Variants in SLC18A2 observed in about 807,000 individuals in gnomAD.
SLC18A2 encodes the protein solute carrier family 18 member A2, also known as synaptic vesicular amine transporter.
A neutral mutation model predicts 59.2 loss-of-function variants in SLC18A2; 33 were observed. The ratio of observed to expected loss-of-function variants is 0.56; its 90% CI spans 0.42 to 0.75. SLC18A2 has a LOEUF of 0.75. Ranked by LOEUF, SLC18A2 falls within the 30% of genes least tolerant of loss-of-function variation. The pLI is 0.00. For missense variants in SLC18A2, 569 were observed against 668.6 expected (o/e 0.85, Z 1.64); for synonymous variants, 228 against 253.5 (o/e 0.90, Z 0.95).
chr10:117,243,239 G>A (rs1314574448), intron 2 of SLC18A2, among the ~76,000 whole-genome samples: 1 of 152,170 alleles, frequency 6.6e-6, no homozygotes, highest in Non-Finnish European at 1.5e-5. Context: ...TCATTTGAAA[G>A]TCTTTTGAGC....
At chr10:117,253,488 G>C (rs774170436) in intron 4 of SLC18A2, 31 bp downstream of exon 4, 1 of 1,565,546 alleles carries the variant, frequency 6.4e-7, no homozygotes, top group African/African-American at 1.4e-5. Context: ...TTCTGAGTGT[G>C]GGTCTCATCA....
At chr10:117,261,476 T>C (rs1184448324) in intron 10 of SLC18A2, among the ~76,000 whole-genome samples, 1 of 152,316 alleles carries the variant, frequency 6.6e-6, no homozygotes, top group East Asian at 1.9e-4. Flanking sequence ...CTTTTTATAG[T>C]TCTTTCAAGG....
At position 117,269,332 on chromosome 10, in the gene SLC18A2, ATACAC is replaced by A; in HGVS notation, c.1187-738_1187-734del. 7.2e-5 allele frequency among the ~76,000 whole-genome samples: 1 copy of A among 13,850 alleles called. No individual in the cohort carries two copies. The highest frequency in any genetic ancestry group is 2.2e-3 in the South Asian group (1 of 446). 9.1% of individuals were successfully genotyped at this position (13,850 alleles called of 152,430 possible). The stretch of plus-strand genomic sequence containing the variant: ...ACAGATACATATATACATATACATA[ATACAC>A]ATACACACATGCATACACACATATA... On this transcript the variant is annotated intron_variant, in intron 13 of 15. Coordinates refer to ENST00000644641, the MANE Select transcript of SLC18A2 (RefSeq NM_003054.6). The surrounding 1 kb of genome is among the most constrained non-coding windows in gnomAD (Gnocchi z 5.1).
chr10:117,274,912 G>C (rs1844467534), intron 15 of SLC18A2, among the ~76,000 whole-genome samples: 1 of 152,156 alleles, frequency 6.6e-6, no homozygotes, highest in Non-Finnish European at 1.5e-5. Context: ...TTGTCAGCCA[G>C]ATGACAGTGC....
At chr10:117,257,915 C>A (rs1186590199) in intron 10 of SLC18A2, 23 bp downstream of exon 10, 2 of 1,533,174 alleles carry the variant, frequency 1.3e-6, no homozygotes, top group East Asian at 2.3e-5. Flanking sequence ...GTGGGCTCTT[C>A]TGATTCAAGA....
chr10:117,258,196 G>A (rs1004407187), intron 10 of SLC18A2, among the ~76,000 whole-genome samples: 2 of 152,220 alleles, frequency 1.3e-5, no homozygotes, highest in Non-Finnish European at 2.9e-5. Flanking sequence ...TAAAATTTAT[G>A]TGAAAGAGAC....
At chr10:117,266,853 G>A in intron 11 of SLC18A2, 42 bp downstream of exon 11, 10 of 1,576,058 alleles carry the variant, frequency 6.3e-6, no homozygotes, top group Non-Finnish European at 7.8e-6. Flanking sequence ...TTACAATAAT[G>A]TAGTTCTTTC....
rs116806440 is a variant in SLC18A2, at chr10:117,254,969, G to A, written c.701-308G>A. The stretch of plus-strand genomic sequence containing the variant: ...AGCCTTGCCTGCGCTGGTGTACAAG[G>A]AGCGAAGTCTCTGTTTACACATTTT... On this transcript the variant is annotated intron_variant, in intron 6 of 15. Transcript: ENST00000644641. 3.7e-3 allele frequency among the ~76,000 whole-genome samples: 562 copies of A among 152,322 alleles called. 5 individuals carry two copies. Among genetic ancestry groups the A allele is most frequent in the African/African-American group, 0.013 (531 of 41,574 alleles).
In SLC18A2 at chr10:117,267,945, A is replaced by AT. The variant is rs1589984505; in HGVS notation, c.1186+215dup. The AT allele has an allele frequency of 6.6e-6, 3 of 454,286 alleles. No individual in the cohort carries two copies. In the East Asian group the frequency reaches 8.9e-5, roughly 13 times the overall value. The allele number at this position is 454,286 out of a possible 1,614,324, so 28.1% of individuals were successfully genotyped here. ...AGTCATTTATTTCCTGAAAACCAGT[A>AT]TTTTTTAAAAGCTGATATTTACAGA... On this transcript the variant is annotated intron_variant, in intron 13 of 15. Transcript: ENST00000644641.
chr10:117,259,058 A>G (rs1261152530), intron 10 of SLC18A2, among the ~76,000 whole-genome samples: 1 of 151,968 alleles, frequency 6.6e-6, no homozygotes, highest in Non-Finnish European at 1.5e-5. Context: ...CAGCTCACAC[A>G]TTTTCCCATC....
chr10:117,252,326 C>T (rs1275264276), intron 3 of SLC18A2, among the ~76,000 whole-genome samples: 1 of 151,922 alleles, frequency 6.6e-6, no homozygotes. Context: ...AGAACCCTTC[C>T]AGGCTGTTGC....
rs1245004608 is a variant in SLC18A2, at chr10:117,269,330, T to C, written c.1187-741T>C. 7.4e-5 allele frequency among the ~76,000 whole-genome samples: 1 copy of C among 13,536 alleles called. No homozygotes were observed. Among genetic ancestry groups the C allele is most frequent in the Non-Finnish European group, 2.1e-4 (1 of 4,858 alleles). The allele number at this position is 13,536 out of a possible 152,430, so 8.9% of individuals were successfully genotyped here. On this transcript the variant is annotated intron_variant, in intron 13 of 15. Transcript: ENST00000644641. The surrounding 1 kb of genome is among the most constrained non-coding windows in gnomAD (Gnocchi z 5.1). ...ACACAGATACATATATACATATACATAATACACATACACACATGCATACAC... is the reference window on the plus strand; with the variant it reads ...ACACAGATACATATATACATATACACAATACACATACACACATGCATACAC...
intron 10 of SLC18A2, among the ~76,000 whole-genome samples, chr10:117,260,538 A>G (rs12251984): frequency 6.6e-6 from 1 of 152,192 alleles, no homozygotes; most frequent in African/African-American, 2.4e-5. Context: ...ATTTTCTTCT[A>G]TTCCTTTGCT....
At position 117,271,825 on chromosome 10, in the gene SLC18A2, T is replaced by C. The variant is rs117183503; in HGVS notation, c.1440+1362T>C. Among the ~76,000 whole-genome samples the C allele has an allele frequency of 7.9e-5, 12 of 152,358 alleles. No individual in the cohort carries two copies. The East Asian group carries it at 2.3e-3, about 29-fold the overall frequency. On this transcript the variant is annotated intron_variant, in intron 15 of 15. Coordinates refer to ENST00000644641, the MANE Select transcript of SLC18A2 (RefSeq NM_003054.6). The stretch of plus-strand genomic sequence containing the variant: ...TTGCCGAAATGGAGTCAGAAAATTC[T>C]CAGCACAAATGCAAACTGCCATTCT...
At position 117,269,968 on chromosome 10, in the gene SLC18A2, G is replaced by C; in HGVS notation, c.1187-103G>C. On this transcript the variant is annotated intron_variant, in intron 13 of 15. Coordinates refer to ENST00000644641, the MANE Select transcript of SLC18A2 (RefSeq NM_003054.6). The surrounding 1 kb of genome is among the most constrained non-coding windows in gnomAD (Gnocchi z 5.1). ...CTTGCAGGTGGTGATGACAGAAGGG[G>C]AAGAGCTGGCAGGGTGGTGAGTTTA... 1 of 1,393,168 alleles carries C rather than the reference G, an allele frequency of 7.2e-7. No individual in the cohort carries two copies. The highest frequency in any genetic ancestry group is 1.3e-5 in the South Asian group (1 of 76,714). 86.3% of individuals were successfully genotyped at this position (1,393,168 alleles called of 1,614,324 possible).
chr10:117,259,231 C>T lies in SLC18A2; in HGVS notation c.991+1339C>T, dbSNP rs368489738. Among the ~76,000 whole-genome samples, 20 of 152,226 alleles carry T rather than the reference C, an allele frequency of 1.3e-4. No individual in the cohort carries two copies. In the East Asian group the frequency reaches 1.9e-3, roughly 15 times the overall value. ...CAAATTTAATTTTCCTGGAGTTAGT[C>T]GTTGCCTTGTCCTTTCATTTTCTTA... On this transcript the variant is annotated intron_variant, in intron 10 of 15. Transcript: ENST00000644641.
rs1844353324 is a variant in SLC18A2, at chr10:117,266,739, C to T, written c.998C>T (p.Ala333Val). The T allele has an allele frequency of 6.2e-7, 1 of 1,612,632 alleles. No individual in the cohort carries two copies. The highest frequency in any genetic ancestry group is 8.5e-7 in the Non-Finnish European group (1 of 1,179,384). Residue 333 changes from alanine to valine, a missense_variant, in exon 11 of 16, where the codon GCC becomes GTC. By Grantham distance (64) the Ala-to-Val change is moderately conservative. Coordinates refer to ENST00000644641, the MANE Select transcript of SLC18A2 (RefSeq NM_003054.6). ...MCSRKWQLGV[A>V]FLPASISYLI... ...CCTTTTCATAAATTTACAGGCGTTG[C>T]CTTCTTGCCAGCTAGTATCTCTTAT...
rs2133723662 is a variant in SLC18A2 at position 117,241,612 on chromosome 10, G to T, written c.-15-67G>T. On this transcript the variant is annotated intron_variant, in intron 1 of 15. Coordinates refer to ENST00000644641, the MANE Select transcript of SLC18A2 (RefSeq NM_003054.6). Reference sequence around the variant, plus strand: ...CGGCTCCCTGACCCGCCCTTCCGCGGCCTGGGGGACGGGAGAATGGGGGGT... The same window carrying T: ...CGGCTCCCTGACCCGCCCTTCCGCGTCCTGGGGGACGGGAGAATGGGGGGT... 2.8e-6 allele frequency: 4 copies of T among 1,449,386 alleles called. No individual in the cohort carries two copies. The East Asian group carries it at 1.2e-4, about 42-fold the overall frequency. The allele number at this position is 1,449,386 out of a possible 1,614,324, so 89.8% of individuals were successfully genotyped here. A position where few individuals can be genotyped will look rare whatever the true frequency, so the allele number is the denominator to read the frequency against.
At chr10:117,242,782 G>T (rs1844070033) in intron 2 of SLC18A2, among the ~76,000 whole-genome samples, 1 of 152,146 alleles carries the variant, frequency 6.6e-6, no homozygotes, top group Admixed American at 6.5e-5. Flanking sequence ...GCCCAGGCTG[G>T]AGGGCAGTGG....
Sources: gnomAD v4.1 joint callset for allele counts (sites outside exome capture counted in the v4.1 genomes callset) on GRCh38, gnomAD v4.1.1 for gene constraint, Gnocchi (gnomAD v3.1) non-coding constraint, MANE v1.5 for transcripts, NCBI Gene and HGNC (gene_info 2026-07-23, HGNC 2026-07-21) for gene names.